Variants in TESMIN observed in about 807,000 individuals in gnomAD.
TESMIN encodes the protein CXC domain containing 2.
TESMIN carries 34 observed loss-of-function variants against 47.4 expected under a neutral mutation model. The ratio of observed to expected loss-of-function variants is 0.72; its 90% CI spans 0.55 to 0.96. TESMIN has a LOEUF of 0.96. Ranked by LOEUF, TESMIN falls within the 40% of genes least tolerant of loss-of-function variation. TESMIN has a pLI of 0.00. For synonymous variants in TESMIN, 278 were observed against 258.9 expected (o/e 1.07, Z -0.71); for missense variants, 610 against 637.2 (o/e 0.96, Z 0.46).
At chr11:68,721,233 T>C (rs1220338582) in intron 6 of TESMIN, among the ~76,000 whole-genome samples, 1 of 152,238 alleles carries the variant, frequency 6.6e-6, no homozygotes, top group Non-Finnish European at 1.5e-5. Flanking sequence ...AATACTATAG[T>C]AGTGGTGTTG....
At chr11:68,730,061 C>T (rs1380163229) in intron 6 of TESMIN, among the ~76,000 whole-genome samples, 1 of 152,236 alleles carries the variant, frequency 6.6e-6, no homozygotes. Flanking sequence ...CTCCCTCCAC[C>T]AGCTAGAAGA....
intron 6 of TESMIN, among the ~76,000 whole-genome samples, chr11:68,730,064 C>G (rs1297998331): frequency 6.6e-6 from 1 of 152,234 alleles, no homozygotes. Flanking sequence ...CCTCCACCAG[C>G]TAGAAGATGA....
chr11:68,751,200 G>GGGCCAGGT (rs1946603160), intron 1 of TESMIN, among the ~76,000 whole-genome samples: 1 of 122,868 alleles, frequency 8.1e-6, no homozygotes, highest in Non-Finnish European at 1.8e-5. Flanking sequence ...CCAGGGGAGG[G>GGGCCAGGT]GGCCAGGTGA....
chr11:68,745,719 A>C (rs1946512011), intron 3 of TESMIN, among the ~76,000 whole-genome samples: 1 of 152,244 alleles, frequency 6.6e-6, no homozygotes, highest in African/African-American at 2.4e-5. Context: ...AGTTCTAAGA[A>C]GCCACACTGA....
chr11:68,713,128 T>C (rs1946092556), intron 8 of TESMIN, 142 bp downstream of exon 8: 1 of 817,532 alleles, frequency 1.2e-6, no homozygotes, highest in Admixed American at 3.2e-5. Flanking sequence ...CAGATTGATG[T>C]AAGTGTCCTT....
downstream of TESMIN, among the ~76,000 whole-genome samples, chr11:68,705,358 C>T (rs1165199229): frequency 6.6e-6 from 1 of 152,144 alleles, no homozygotes; most frequent in African/African-American, 2.4e-5. Context: ...TGAAACCGCG[C>T]CCACACTGAA....
intron 5 of TESMIN, among the ~76,000 whole-genome samples, chr11:68,740,174 G>C (rs1167240081): frequency 6.6e-6 from 1 of 151,992 alleles, no homozygotes; most frequent in Non-Finnish European, 1.5e-5. Flanking sequence ...TGATTCAGGG[G>C]GTCTGAATCC....
At chr11:68,728,944 C>A (rs1401848556) in intron 6 of TESMIN, among the ~76,000 whole-genome samples, 1 of 152,174 alleles carries the variant, frequency 6.6e-6, no homozygotes, top group African/African-American at 2.4e-5. Context: ...CCTGGCCCCC[C>A]AAGAGCTCTG....
At chr11:68,709,402 G>A (rs899035578) in intron 9 of TESMIN, among the ~76,000 whole-genome samples, 4 of 152,188 alleles carry the variant, frequency 2.6e-5, no homozygotes, top group Admixed American at 6.5e-5. Context: ...CTGAGGACTC[G>A]CCTGTCAAAC....
chr11:68,704,951 G>A (rs1020851792), downstream of TESMIN, among the ~76,000 whole-genome samples: 1 of 152,142 alleles, frequency 6.6e-6, no homozygotes, highest in African/African-American at 2.4e-5. Context: ...CAGTTTTATC[G>A]GTGGCTGGGG....
chr11:68,739,946 CT>C (rs1594299702), intron 5 of TESMIN, among the ~76,000 whole-genome samples: 5 of 152,288 alleles, frequency 3.3e-5, no homozygotes, highest in Middle Eastern at 3.4e-3. Flanking sequence ...GGTAAAATTA[CT>C]TTTTTTCCCC....
chr11:68,713,127 G>A lies in TESMIN; in HGVS notation c.1158+143C>T, dbSNP rs1033509233. On this transcript the variant is annotated intron_variant, in intron 8 of 9. Transcript: ENST00000255087. ...ATTTGGGAAATTAATTCAGATTGATGTAAGTGTCCTTCTAGAAACTCTGGA... is the reference window on the plus strand; with the variant it reads ...ATTTGGGAAATTAATTCAGATTGATATAAGTGTCCTTCTAGAAACTCTGGA... The A allele has an allele frequency of 2.1e-5, 17 of 810,420 alleles. No individual in the cohort carries two copies. The African/African-American group carries it at 2.3e-4, about 11-fold the overall frequency. The allele number at this position is 810,420 out of a possible 1,614,324, so 50.2% of individuals were successfully genotyped here.
intron 5 of TESMIN, among the ~76,000 whole-genome samples, chr11:68,742,082 T>A (rs1183116843): frequency 1.3e-5 from 2 of 152,224 alleles, no homozygotes; most frequent in African/African-American, 4.8e-5. Flanking sequence ...GTCTGGAGGC[T>A]GCAGGAAAGG....
At chr11:68,742,724 C>T (rs1010277834) in intron 4 of TESMIN, among the ~76,000 whole-genome samples, 1 of 152,032 alleles carries the variant, frequency 6.6e-6, no homozygotes, top group African/African-American at 2.4e-5. Context: ...AGCAAACTCA[C>T]TAGGAAAAAA....
chr11:68,750,417 T>C lies in TESMIN; in HGVS notation c.244A>G (p.Lys82Glu), dbSNP rs758333612. The change falls in exon 2 of 10, where the codon AAG (lysine) becomes GAG (glutamate). Residue 82 changes from lysine (K) to glutamate (E), a missense_variant. Transcript: ENST00000255087. ...GADCKGQVKAKLAGGDSDGGE... is the reference protein window; with the variant it reads ...GADCKGQVKAELAGGDSDGGE... ...CCGTCGCTGTCGCCCCCCGCGAGCT[T>C]CGCCTTGACCTGGCCCTTGCAGTCG... is the stretch of plus-strand genomic sequence containing the variant. The C allele has an allele frequency of 3.9e-6, 6 of 1,535,564 alleles. No individual in the cohort carries two copies. Among genetic ancestry groups the C allele is most frequent in the Non-Finnish European group, 5.3e-6 (6 of 1,137,430 alleles).
rs759709920 is a variant in TESMIN, at chr11:68,742,394, T to A, written c.752A>T (p.Asp251Val). 2.5e-6 allele frequency: 4 copies of A among 1,571,560 alleles called. No homozygotes were observed. Among genetic ancestry groups the A allele is most frequent in the Non-Finnish European group, 3.5e-6 (4 of 1,153,334 alleles). ...TAAAGCAGTCATTGGTTTAGGGACA[T>A]CTGTAAGGAAGATAATTAAAAATTA... ...YQDQNNYLQS[D>V]VPKPMTALVG... The change falls in exon 5 of 10, where the codon GAT (aspartate) becomes GTT (valine). Residue 251 changes from aspartate to valine, a missense_variant and splice_region_variant. Asp to Val is a radical substitution (Grantham distance 152, BLOSUM62 -3). Transcript: ENST00000255087.
At chr11:68,727,836 T>C (rs1594292634) in intron 6 of TESMIN, among the ~76,000 whole-genome samples, 1 of 152,240 alleles carries the variant, frequency 6.6e-6, no homozygotes, top group East Asian at 1.9e-4. Flanking sequence ...TGATCTGCAA[T>C]CCTCGTTCTT....
chr11:68,714,578 A>G (rs1037324851), intron 7 of TESMIN, among the ~76,000 whole-genome samples: 2 of 152,194 alleles, frequency 1.3e-5, no homozygotes, highest in African/African-American at 2.4e-5. Flanking sequence ...TCCCTCAGAT[A>G]ACAACTAGGA....
At position 68,750,152 on chromosome 11, in the gene TESMIN, G is replaced by A. The variant is rs755863621; in HGVS notation, c.471+38C>T. On this transcript the variant is annotated intron_variant, in intron 2 of 9. Transcript: ENST00000255087. ...GCCTCAGATGGGTTGGGGAAGGGAT[G>A]GAGGGGGAGCTGTGCCCATTCCCCA... 39 of 1,407,632 alleles carry A rather than the reference G, an allele frequency of 2.8e-5. No homozygotes were observed. The East Asian group carries it at 9.3e-4, about 34-fold the overall frequency. 87.2% of individuals were successfully genotyped at this position (1,407,632 alleles called of 1,614,324 possible). A position where few individuals can be genotyped will look rare whatever the true frequency, so the allele number is the denominator to read the frequency against.
Sources: gnomAD v4.1 joint callset for allele counts (sites outside exome capture counted in the v4.1 genomes callset) on GRCh38, gnomAD v4.1.1 for gene constraint, MANE v1.5 for transcripts, NCBI Gene and HGNC (gene_info 2026-07-23, HGNC 2026-07-21) for gene names.